DNAAF5: variants seen among roughly 807,000 people sequenced by gnomAD.
DNAAF5 encodes HEAT repeat containing 2.
In DNAAF5, 64 loss-of-function variants were observed where a neutral mutation model predicts 75.8. The ratio of observed to expected loss-of-function variants is 0.84; its 90% CI spans 0.69 to 1.04. DNAAF5 has a LOEUF of 1.04. Ranked by LOEUF, DNAAF5 falls within the 50% of genes least tolerant of loss-of-function variation. DNAAF5 has a pLI of 0.00. For synonymous variants in DNAAF5, 657 were observed against 557.2 expected, an observed-to-expected ratio of 1.18 and a Z score of -2.52; for missense variants, 1,269 against 1,178.5, an observed-to-expected ratio of 1.08 and a Z score of -1.12.
Position 764,310 on chromosome 7 carries a change from T to G in DNAAF5, c.1783+336T>G, listed in dbSNP as rs370645163. ...GAATCTAGATGTCTAGCCGCATGGG[T>G]GCTGTGTGTGTGACATGGGGGCCTT... On this transcript the variant is annotated intron_variant, in intron 8 of 12. Transcript: ENST00000297440. Among the ~76,000 whole-genome samples the G allele has an allele frequency of 2.0e-4, 31 of 152,296 alleles. No homozygotes were observed. The East Asian group carries it at 5.0e-3, about 25-fold the overall frequency.
chr7:738,219 C>T (rs1374350890), intron 2 of DNAAF5, among the ~76,000 whole-genome samples: 2 of 152,170 alleles, frequency 1.3e-5, no homozygotes, highest in African/African-American at 4.8e-5. Flanking sequence ...ATGCATTCTT[C>T]AGTATGCTAA....
Position 726,984 on chromosome 7 carries a change from C to G in DNAAF5, c.264C>G (p.Pro88=). The part of the protein sequence containing the change: ...LPRLLRCLSD[P]AEGCRALAVH... ...GCTTGCTGCGCTGCCTGAGCGACCC[C>G]GCCGAGGGCTGCCGCGCGCTGGCAG... The change falls in exon 1 of 13, where the codon CCC becomes CCG. Residue 88 remains proline, a synonymous_variant. Transcript: ENST00000297440. 1 of 1,283,652 alleles carries G rather than the reference C, an allele frequency of 7.8e-7. No individual in the cohort carries two copies. Among genetic ancestry groups the G allele is most frequent in the Non-Finnish European group, 9.9e-7 (1 of 1,011,328 alleles). 79.5% of individuals were successfully genotyped at this position (1,283,652 alleles called of 1,614,324 possible).
intron 6 of DNAAF5, among the ~76,000 whole-genome samples, chr7:757,211 G>A (rs1020105649): frequency 3.9e-5 from 6 of 152,352 alleles, no homozygotes; most frequent in East Asian, 1.9e-4. Context: ...CCCTTGTTCC[G>A]GGGCCTCGTC....
Position 773,140 on chromosome 7 carries a change from G to A in DNAAF5, c.1932-908G>A, listed in dbSNP as rs559918435. 9.2e-5 allele frequency among the ~76,000 whole-genome samples: 14 copies of A among 152,206 alleles called. No individual in the cohort carries two copies. In the South Asian group the frequency reaches 1.7e-3, roughly 18 times the overall value. ...TCCAGAGAGCCCTCTTGCAAGTCAC[G>A]GTGCCGAAAATGGCAGCTCTGCTTA... On this transcript the variant is annotated intron_variant, in intron 9 of 12. Coordinates refer to ENST00000297440, the MANE Select transcript of DNAAF5 (RefSeq NM_017802.4).
chr7:781,511 T>G (rs1778939927), intron 12 of DNAAF5, among the ~76,000 whole-genome samples: 1 of 152,202 alleles, frequency 6.6e-6, no homozygotes, highest in Non-Finnish European at 1.5e-5. Context: ...ATAGCTGAAT[T>G]CCTCTCTTTT....
intron 8 of DNAAF5, among the ~76,000 whole-genome samples, chr7:765,917 C>G (rs1246354423): frequency 6.6e-6 from 1 of 152,202 alleles, no homozygotes; most frequent in African/African-American, 2.4e-5. Context: ...TAGTCTTGAA[C>G]TCCTGGGCTC....
At chr7:742,335 C>CGCCCAGCTCAAATCACAT (rs1781936081) in intron 4 of DNAAF5, among the ~76,000 whole-genome samples, 2 of 150,452 alleles carry the variant, frequency 1.3e-5, no homozygotes, top group Non-Finnish European at 3.0e-5. Context: ...TCAAATCAGA[C>CGCCCAGCTCAAATCACAT]GCCCAGCTCA....
chr7:783,066 G>T (rs1779028108), intron 12 of DNAAF5, among the ~76,000 whole-genome samples: 1 of 152,248 alleles, frequency 6.6e-6, no homozygotes, highest in Non-Finnish European at 1.5e-5. Context: ...GTGATTTTTT[G>T]TGTGAGAGCT....
chr7:746,085 T>G (rs1015626703), intron 4 of DNAAF5, among the ~76,000 whole-genome samples: 1 of 152,254 alleles, frequency 6.6e-6, no homozygotes, highest in Non-Finnish European at 1.5e-5. Context: ...GTCTGTAGAT[T>G]TGAATTTTAA....
chr7:743,992 G>A (rs1262221164), intron 4 of DNAAF5, among the ~76,000 whole-genome samples: 1 of 150,944 alleles, frequency 6.6e-6, no homozygotes, highest in Non-Finnish European at 1.5e-5. Context: ...ACAATGTGCA[G>A]GTTAGTTACA....
chr7:759,518 G>T (rs1303226035), intron 6 of DNAAF5, among the ~76,000 whole-genome samples: 2 of 152,188 alleles, frequency 1.3e-5, no homozygotes, highest in Non-Finnish European at 2.9e-5. Context: ...GTGCTTTTCT[G>T]AATTAAAAAC....
At chr7:758,077 C>T (rs995616112) in intron 6 of DNAAF5, among the ~76,000 whole-genome samples, 1 of 152,226 alleles carries the variant, frequency 6.6e-6, no homozygotes, top group Non-Finnish European at 1.5e-5. Flanking sequence ...GGGAGGGGCC[C>T]GGGCCGCGTG....
chr7:742,762 C>G (rs1454705765), intron 4 of DNAAF5, among the ~76,000 whole-genome samples: 1 of 151,526 alleles, frequency 6.6e-6, no homozygotes, highest in Non-Finnish European at 1.5e-5. Context: ...AAATCAGACG[C>G]CCAGCTCAAA....
At chr7:781,933 A>ACCCGCGGGCTGTC (rs1778961037) in intron 12 of DNAAF5, among the ~76,000 whole-genome samples, 1 of 152,136 alleles carries the variant, frequency 6.6e-6, no homozygotes, top group South Asian at 2.1e-4. Flanking sequence ...CCCATCCCGT[A>ACCCGCGGGCTGTC]CCCGCGGGCT....
chr7:729,903 C>T (rs541219153), intron 2 of DNAAF5, 56 bp downstream of exon 2: 34 of 1,560,140 alleles, frequency 2.2e-5, no homozygotes, highest in East Asian at 6.8e-5. Context: ...GGCGGGCTGA[C>T]GTGCTGTTTT....
chr7:781,050 T>C (rs1778924522), intron 12 of DNAAF5, among the ~76,000 whole-genome samples: 1 of 152,188 alleles, frequency 6.6e-6, no homozygotes, highest in African/African-American at 2.4e-5. Context: ...AATTCAGTGA[T>C]ACTTTTCGTT....
intron 8 of DNAAF5, among the ~76,000 whole-genome samples, chr7:767,689 GA>G (rs1778363516): frequency 6.6e-6 from 1 of 152,164 alleles, no homozygotes; most frequent in Non-Finnish European, 1.5e-5. Flanking sequence ...CTCGCACTGG[GA>G]GGGGAGACAC....
chr7:732,595 T>A, intron 2 of DNAAF5: 1 of 456,014 alleles, frequency 2.2e-6, no homozygotes, highest in East Asian at 6.9e-5. Context: ...AGATGAGTGT[T>A]TGTCACGTTC....
At chr7:768,946 G>A (rs1405643488) in intron 8 of DNAAF5, 7 of 570,246 alleles carry the variant, frequency 1.2e-5, no homozygotes, top group Admixed American at 2.9e-5. Context: ...CCCAAGACTC[G>A]TGCTCTGGCG....
Sources: gnomAD v4.1 joint callset for allele counts (sites outside exome capture counted in the v4.1 genomes callset) on GRCh38, gnomAD v4.1.1 for gene constraint, MANE v1.5 for transcripts, NCBI Gene and HGNC (gene_info 2026-07-23, HGNC 2026-07-21) for gene names.